Variants in PPP2R5A observed in about 807,000 individuals in gnomAD.
The protein encoded by PPP2R5A is protein phosphatase 2 regulatory subunit B'alpha.
In PPP2R5A, 25 loss-of-function variants were observed where a neutral mutation model predicts 64.2. That is an observed-to-expected ratio of 0.39 (90% CI 0.28 to 0.54). PPP2R5A has a LOEUF of 0.54. PPP2R5A is among the 20% of genes least tolerant of loss of function. PPP2R5A has a pLI of 0.67. For synonymous variants in PPP2R5A, 198 were observed against 201.2 expected (o/e 0.98, Z 0.13); for missense variants, 425 against 576.3 (o/e 0.74, Z 2.69).
chr1:212,292,458 T>A (rs560833997), intron 1 of PPP2R5A, among the ~76,000 whole-genome samples: 1 of 150,358 alleles, frequency 6.7e-6, no homozygotes, highest in South Asian at 2.1e-4. Flanking sequence ...AGTGTTTTGA[T>A]GAAGAAATTA....
Position 212,329,181 on chromosome 1 carries a change from G to A in PPP2R5A, c.228G>A (p.Gln76=). The change falls in exon 2 of 13, where the codon CAG becomes CAA. Residue 76 remains glutamine (Q), a synonymous_variant. Coordinates refer to ENST00000261461, the MANE Select transcript of PPP2R5A (RefSeq NM_006243.4). The stretch of plus-strand genomic sequence containing the variant: ...AAGAGCTTTTCTGTCAGAAGTTGCA[G>A]CAGTGTTGTATACTGTTTGATTTCA... ...EQQELFCQKL[Q]QCCILFDFMD... 1.3e-6 allele frequency: 2 copies of A among 1,578,404 alleles called. No homozygotes were observed. The highest frequency in any genetic ancestry group is 1.9e-5 in the Admixed American group (1 of 54,048).
At chr1:212,311,739 C>T (rs1435489823) in intron 1 of PPP2R5A, among the ~76,000 whole-genome samples, 1 of 151,154 alleles carries the variant, frequency 6.6e-6, no homozygotes, top group Non-Finnish European at 1.5e-5. Context: ...TAGTTTTTAA[C>T]AAAAAAGTTT....
At chr1:212,326,686 ATCTT>A (rs1219572355) in intron 1 of PPP2R5A, among the ~76,000 whole-genome samples, 2 of 152,216 alleles carry the variant, frequency 1.3e-5, no homozygotes, top group African/African-American at 4.8e-5. Flanking sequence ...CTGAATGCCA[ATCTT>A]AGGCTTATAG....
chr1:212,307,788 A>C (rs561856528), intron 1 of PPP2R5A, among the ~76,000 whole-genome samples: 4 of 152,312 alleles, frequency 2.6e-5, no homozygotes, highest in African/African-American at 9.6e-5. Context: ...AACAGCTAGC[A>C]AAAAATTCTT....
At chr1:212,360,267 T>G (rs973071804) in intron 12 of PPP2R5A, among the ~76,000 whole-genome samples, 62 of 152,214 alleles carry the variant, frequency 4.1e-4, no homozygotes, top group African/African-American at 1.4e-3. Flanking sequence ...TGCTTCCTAC[T>G]GACCTAGTGG....
chr1:212,360,754 A>G lies in PPP2R5A; in HGVS notation c.1445A>G (p.Asn482Ser). 6.5e-7 allele frequency: 1 copy of G among 1,531,616 alleles called. No individual in the cohort carries two copies. Among genetic ancestry groups the G allele is most frequent in the Non-Finnish European group, 8.7e-7 (1 of 1,147,306 alleles). The allele number at this position is 1,531,616 out of a possible 1,614,324, so 94.9% of individuals were successfully genotyped here. ...SAYNMHSILS[N>S]TSAE ...TACAACATGCACAGTATTCTCAGCA[A>G]TACAAGTGCCGAATAAAAAAAAAGC... is the stretch of plus-strand genomic sequence containing the variant. The change falls in exon 13 of 13, where the codon AAT becomes AGT. Residue 482 changes from asparagine to serine, a missense_variant. By Grantham distance (46) the Asn-to-Ser change is conservative. This residue lies in a region of PPP2R5A where 177 missense variants were observed against 244.8 expected (regional missense o/e 0.72). Transcript: ENST00000261461.
At chr1:212,345,766 TA>T in intron 4 of PPP2R5A, 36 bp from the exon 5 acceptor site, 5 of 1,569,470 alleles carry the variant, frequency 3.2e-6, no homozygotes, top group Middle Eastern at 3.5e-4. Flanking sequence ...TTAGCTCGAT[TA>T]TTTTTTAAAA....
intron 1 of PPP2R5A, among the ~76,000 whole-genome samples, chr1:212,310,281 C>T (rs1659004285): frequency 6.7e-6 from 1 of 149,886 alleles, no homozygotes; most frequent in African/African-American, 2.4e-5. Flanking sequence ...AGGAGGGCTC[C>T]ACACTGCTGG....
intron 1 of PPP2R5A, among the ~76,000 whole-genome samples, chr1:212,288,955 C>G (rs931852876): frequency 6.6e-6 from 1 of 152,186 alleles, no homozygotes; most frequent in Non-Finnish European, 1.5e-5. Flanking sequence ...ATAATCCAGC[C>G]TTTTCACCTG....
At chr1:212,336,056 G>A (rs1474624923) in intron 3 of PPP2R5A, among the ~76,000 whole-genome samples, 1 of 151,972 alleles carries the variant, frequency 6.6e-6, no homozygotes, top group Non-Finnish European at 1.5e-5. Flanking sequence ...TGAAACCAGT[G>A]GTTCTTAACA....
rs772100778 is a variant in PPP2R5A, at chr1:212,358,817, C to T, written c.1328+30C>T. 1.3e-5 allele frequency: 20 copies of T among 1,532,254 alleles called. No individual in the cohort carries two copies. In the Admixed American group the frequency reaches 2.4e-4, roughly 18 times the overall value. The allele number at this position is 1,532,254 out of a possible 1,614,324, so 94.9% of individuals were successfully genotyped here. A position where few individuals can be genotyped will look rare whatever the true frequency, so the allele number is the denominator to read the frequency against. On this transcript the variant is annotated intron_variant, in intron 12 of 12. Coordinates refer to ENST00000261461, the MANE Select transcript of PPP2R5A (RefSeq NM_006243.4). ...TTGATATTTTGAATTACAAAATTAT[C>T]TATACATTTTATGTTAGTTGAATGT...
At chr1:212,310,245 C>T (rs756350283) in intron 1 of PPP2R5A, among the ~76,000 whole-genome samples, 9 of 151,716 alleles carry the variant, frequency 5.9e-5, no homozygotes, top group Admixed American at 2.6e-4. Context: ...TTCCCAAGGT[C>T]AGTATGTGAT....
intron 3 of PPP2R5A, among the ~76,000 whole-genome samples, chr1:212,339,382 G>A (rs765244733): frequency 4.6e-5 from 7 of 152,176 alleles, no homozygotes; most frequent in Middle Eastern, 3.4e-3. Flanking sequence ...TCTGCATGTT[G>A]GCCAGGCTGG....
At chr1:212,320,672 G>C (rs1659260648) in intron 1 of PPP2R5A, among the ~76,000 whole-genome samples, 1 of 130,708 alleles carries the variant, frequency 7.7e-6, no homozygotes, top group African/African-American at 2.6e-5. Flanking sequence ...GGGGCGGCTG[G>C]CCGGGCGGGG....
intron 1 of PPP2R5A, among the ~76,000 whole-genome samples, chr1:212,308,364 G>T (rs994294729): frequency 7.0e-6 from 1 of 142,714 alleles, no homozygotes; most frequent in African/African-American, 2.5e-5. Flanking sequence ...CCTTCTTGGA[G>T]TTTCTTGTGT....
chr1:212,313,539 A>T (rs745698433), intron 1 of PPP2R5A, among the ~76,000 whole-genome samples: 1 of 151,430 alleles, frequency 6.6e-6, no homozygotes, highest in Non-Finnish European at 1.5e-5. Flanking sequence ...TACATTCTGT[A>T]TACCAATTTC....
At chr1:212,324,130 G>A (rs1659365720) in intron 1 of PPP2R5A, among the ~76,000 whole-genome samples, 1 of 152,052 alleles carries the variant, frequency 6.6e-6, no homozygotes, top group South Asian at 2.1e-4. Flanking sequence ...CTTAACGATG[G>A]GGCTATGTAA....
At chr1:212,335,131 T>G (rs78567200) in intron 3 of PPP2R5A, among the ~76,000 whole-genome samples, 5 of 152,074 alleles carry the variant, frequency 3.3e-5, no homozygotes, top group Non-Finnish European at 7.4e-5. Context: ...GATTTTTTTT[T>G]AATTTTGCAA....
At chr1:212,331,979 CA>C (rs1201282623) in intron 2 of PPP2R5A, among the ~76,000 whole-genome samples, 1 of 152,176 alleles carries the variant, frequency 6.6e-6, no homozygotes, top group Non-Finnish European at 1.5e-5. Flanking sequence ...TTGTTATATA[CA>C]GTTAATTTTA....
Sources: gnomAD v4.1 joint callset for allele counts (sites outside exome capture counted in the v4.1 genomes callset) on GRCh38, gnomAD v4.1.1 for gene constraint, gnomAD v4.1.1 regional missense constraint, MANE v1.5 for transcripts, NCBI Gene and HGNC (gene_info 2026-07-23, HGNC 2026-07-21) for gene names.